The following AGPS variants were observed in gnomAD, a reference collection of about 807,000 sequenced individuals.
AGPS encodes the protein alkylglycerone phosphate synthase, also known as alkyldihydroxyacetonephosphate synthase, peroxisomal.
AGPS carries 26 observed loss-of-function variants against 90.7 expected under a neutral mutation model. That is an observed-to-expected ratio of 0.29 (90% CI 0.21 to 0.40). The LOEUF (loss-of-function observed/expected upper bound fraction) is 0.40, where lower values mean the gene tolerates loss of function less well. Ranked by LOEUF, AGPS falls within the 10% of genes least tolerant of loss-of-function variation. AGPS has a pLI of 1.00. For synonymous variants in AGPS, 294 were observed against 285.3 expected, an observed-to-expected ratio of 1.03 and a Z score of -0.31; for missense variants, 540 against 816.1, an observed-to-expected ratio of 0.66 and a Z score of 4.12.
intron 11 of AGPS, among the ~76,000 whole-genome samples, chr2:177,492,723 T>C (rs1688301347): frequency 6.6e-6 from 1 of 152,046 alleles, no homozygotes; most frequent in South Asian, 2.1e-4. Flanking sequence ...ATCTTCTACC[T>C]TTACTGTGGA....
intron 15 of AGPS, among the ~76,000 whole-genome samples, chr2:177,506,649 C>G (rs1167781167): frequency 1.3e-5 from 2 of 151,908 alleles, no homozygotes; most frequent in Non-Finnish European, 2.9e-5. Context: ...TATAGTCCTC[C>G]TCTTTTGTCC....
At chr2:177,434,209 T>C in intron 2 of AGPS, 118 bp from the exon 3 acceptor site, 1 of 717,494 alleles carries the variant, frequency 1.4e-6, no homozygotes, top group Non-Finnish European at 2.4e-6. Context: ...AGTTTATAGT[T>C]ACATGTGAAA....
intron 17 of AGPS, 47 bp downstream of exon 17, chr2:177,513,955 T>A: frequency 1.4e-6 from 2 of 1,386,328 alleles, no homozygotes. Context: ...GAAAAAAATG[T>A]TTTTTTTAAT....
intron 10 of AGPS, among the ~76,000 whole-genome samples, chr2:177,479,953 G>T (rs1687896194): frequency 6.6e-6 from 1 of 152,188 alleles, no homozygotes; most frequent in South Asian, 2.1e-4. Flanking sequence ...GGCCAAGGCG[G>T]GTAGATCACC....
At chr2:177,394,600 T>A (rs114371695) in intron 1 of AGPS, among the ~76,000 whole-genome samples, 203 of 152,276 alleles carry the variant, frequency 1.3e-3, no homozygotes, top group Non-Finnish European at 2.0e-3. Context: ...TGGGAGCAAA[T>A]TGAAGACAGT....
In AGPS at chr2:177,540,582, T is replaced by G. The variant is rs1435606740; in HGVS notation, c.*2387T>G. 1 of 152,056 alleles carries G rather than the reference T, an allele frequency of 6.6e-6. No individual in the cohort carries two copies. The highest frequency in any genetic ancestry group is 2.4e-5 in the African/African-American group (1 of 41,428). The allele number at this position is 152,056 out of a possible 1,614,324, so 9.4% of individuals were successfully genotyped here. A position where few individuals can be genotyped will look rare whatever the true frequency, so the allele number is the denominator to read the frequency against. ...ACAGAAGCACTTAAACCATGCCTCTTATTTCTATAATATCTGAAAATGGCT... is the reference window on the plus strand; with the variant it reads ...ACAGAAGCACTTAAACCATGCCTCTGATTTCTATAATATCTGAAAATGGCT... On this transcript the variant is annotated 3_prime_UTR_variant, in exon 20 of 20. Transcript: ENST00000264167.
At chr2:177,486,654 T>C (rs952845634) in intron 11 of AGPS, among the ~76,000 whole-genome samples, 1 of 145,892 alleles carries the variant, frequency 6.9e-6, no homozygotes, top group African/African-American at 2.5e-5. Flanking sequence ...GCTTTTGAAA[T>C]GGGAAACTGT....
chr2:177,465,968 G>T (rs1687433977), intron 9 of AGPS, among the ~76,000 whole-genome samples: 1 of 152,234 alleles, frequency 6.6e-6, no homozygotes, highest in Admixed American at 6.5e-5. Context: ...AATGAGGTAT[G>T]CGGACAAGTG....
chr2:177,539,120 GTCA>G lies in AGPS; in HGVS notation c.*930_*932del, dbSNP rs2079209452. On this transcript the variant is annotated 3_prime_UTR_variant, in exon 20 of 20. Coordinates refer to ENST00000264167, the MANE Select transcript of AGPS (RefSeq NM_003659.4). ...CAAGAATTGTTTCACTAAAGAAACAGTCATCATTCAACTACTGAATTTGAAAGC... is the reference window on the plus strand; with the variant it reads ...CAAGAATTGTTTCACTAAAGAAACAGTCATTCAACTACTGAATTTGAAAGC... The G allele has an allele frequency of 6.6e-6, 1 of 152,020 alleles. No homozygotes were observed. The highest frequency in any genetic ancestry group is 2.1e-4 in the South Asian group (1 of 4,838). 9.4% of individuals were successfully genotyped at this position (152,020 alleles called of 1,614,324 possible).
At chr2:177,521,444 TTTAAG>T in intron 18 of AGPS, 76 bp downstream of exon 18, 1 of 1,234,316 alleles carries the variant, frequency 8.1e-7, no homozygotes, top group Non-Finnish European at 1.2e-6. Flanking sequence ...ATTTATGAAT[TTTAAG>T]TTGAGTCTCT....
At chr2:177,447,531 G>T (rs1686814248) in intron 8 of AGPS, among the ~76,000 whole-genome samples, 1 of 151,288 alleles carries the variant, frequency 6.6e-6, no homozygotes, top group Non-Finnish European at 1.5e-5. Flanking sequence ...AACAAAGAAT[G>T]GCCTTTTATG....
chr2:177,476,498 TATTTC>T (rs1355352925), intron 10 of AGPS, among the ~76,000 whole-genome samples: 1 of 152,176 alleles, frequency 6.6e-6, no homozygotes. Flanking sequence ...ATCAGTTTCT[TATTTC>T]ATTCCATTGT....
At chr2:177,527,914 G>A (rs554119310) in intron 19 of AGPS, among the ~76,000 whole-genome samples, 35 of 152,202 alleles carry the variant, frequency 2.3e-4, no homozygotes, top group South Asian at 2.3e-3. Context: ...TGACCGCATG[G>A]AAACAGACTC....
intron 2 of AGPS, among the ~76,000 whole-genome samples, chr2:177,424,815 C>T (rs956266804): frequency 2.0e-5 from 3 of 152,128 alleles, no homozygotes; most frequent in Non-Finnish European, 4.4e-5. Flanking sequence ...TTTTGATGTG[C>T]GTTTCTCTAA....
chr2:177,469,929 C>T (rs1687562874), intron 10 of AGPS, among the ~76,000 whole-genome samples: 4 of 151,958 alleles, frequency 2.6e-5, no homozygotes, highest in African/African-American at 9.7e-5. Flanking sequence ...GACAATTATA[C>T]AACAGCGTGA....
At chr2:177,395,626 A>AG (rs1178273407) in intron 1 of AGPS, among the ~76,000 whole-genome samples, 4 of 152,220 alleles carry the variant, frequency 2.6e-5, no homozygotes, top group Non-Finnish European at 4.4e-5. Flanking sequence ...TCCAGCCTAA[A>AG]GGGAAGATAA....
At chr2:177,527,766 T>C (rs1440670437) in intron 19 of AGPS, among the ~76,000 whole-genome samples, 1 of 152,176 alleles carries the variant, frequency 6.6e-6, no homozygotes, top group Non-Finnish European at 1.5e-5. Flanking sequence ...ATTTATTTTT[T>C]AGGAATTATT....
At chr2:177,455,684 C>A (rs1378675837) in intron 8 of AGPS, among the ~76,000 whole-genome samples, 1 of 151,906 alleles carries the variant, frequency 6.6e-6, no homozygotes, top group Non-Finnish European at 1.5e-5. Context: ...GGGGGAAGTT[C>A]CTGCTCTGCT....
At chr2:177,469,659 C>G (rs1414013002) in intron 10 of AGPS, among the ~76,000 whole-genome samples, 1 of 152,124 alleles carries the variant, frequency 6.6e-6, no homozygotes, top group Non-Finnish European at 1.5e-5. Flanking sequence ...TCTGGGACTT[C>G]TTATACTAAT....
Sources: allele counts gnomAD v4.1 joint callset (sites outside exome capture counted in the v4.1 genomes callset), GRCh38; gene constraint gnomAD v4.1.1; transcripts MANE v1.5; gene names NCBI Gene and HGNC (gene_info 2026-07-23, HGNC 2026-07-21).